Variants in SF3B3 observed in about 807,000 individuals in gnomAD.
SF3B3 encodes the protein splicing factor 3b subunit 3, also known as SAP 130.
Under a neutral mutation model 139.2 loss-of-function variants are expected in SF3B3, and 33 were observed. That is an observed-to-expected ratio of 0.24 (90% CI 0.18 to 0.32). The LOEUF is 0.32. SF3B3 is among the 10% of genes least tolerant of loss of function. SF3B3 has a pLI of 1.00. For synonymous variants in SF3B3, 596 were observed against 563.6 expected (o/e 1.06, Z -0.81); for missense variants, 818 against 1,509.4 (o/e 0.54, Z 7.59).
rs185464188 is a variant in SF3B3 at position 70,567,417 on chromosome 16, G to C, written c.2833G>C (p.Val945Leu). Reference protein sequence around the residue: ...EKLEFLHKTPVEEVPAAIAPF... With the variant: ...EKLEFLHKTPLEEVPAAIAPF... ...ACCTGCTTTTCCTCTATAGACTCCT[G>C]TGGAAGAGGTCCCTGCTGCTATTGC... Residue 945 changes from valine (V) to leucine (L), a missense_variant, in exon 21 of 26, where the codon GTG becomes CTG. This residue lies in a region of SF3B3 where 145 missense variants were observed against 153.6 expected (regional missense o/e 0.94). Coordinates refer to ENST00000302516, the MANE Select transcript of SF3B3 (RefSeq NM_012426.5). 1.9e-6 allele frequency: 3 copies of C among 1,613,482 alleles called. No individual in the cohort carries two copies. Among genetic ancestry groups the C allele is most frequent in the Non-Finnish European group, 2.5e-6 (3 of 1,179,836 alleles).
chr16:70,555,389 G>C (rs534481201), intron 13 of SF3B3, among the ~76,000 whole-genome samples, 183 bp downstream of exon 13: 16 of 147,404 alleles, frequency 1.1e-4, no homozygotes, highest in South Asian at 8.8e-4. Flanking sequence ...TGAGGCAGGA[G>C]AATTGCTTGA....
chr16:70,560,420 A>T, intron 15 of SF3B3, 49 bp from the exon 16 acceptor site: 1 of 1,599,350 alleles, frequency 6.3e-7, no homozygotes, highest in Non-Finnish European at 8.5e-7. Flanking sequence ...TTCCCATCAT[A>T]GCTGATAAGC....
At chr16:70,551,208 T>A (rs983291526) in intron 11 of SF3B3, among the ~76,000 whole-genome samples, 1 of 152,068 alleles carries the variant, frequency 6.6e-6, no homozygotes, top group Admixed American at 6.6e-5. Context: ...TCCTCTGGGG[T>A]CCTTAGCAGT....
At chr16:70,571,066 A>C in intron 24 of SF3B3, 29 bp from the exon 25 acceptor site, 1 of 1,515,940 alleles carries the variant, frequency 6.6e-7, no homozygotes. Flanking sequence ...ATCACTTCTC[A>C]GTGACAGATT....
chr16:70,558,798 T>C (rs1243160741), intron 15 of SF3B3, among the ~76,000 whole-genome samples: 2 of 152,214 alleles, frequency 1.3e-5, no homozygotes, highest in African/African-American at 2.4e-5. Context: ...GGTTTTGCCA[T>C]GTTGCTCAGG....
intron 18 of SF3B3, 145 bp from the exon 19 acceptor site, chr16:70,564,920 C>T (rs2050461301): frequency 2.9e-6 from 2 of 696,180 alleles, no homozygotes; most frequent in East Asian, 2.6e-5. Flanking sequence ...CTTTAATAGT[C>T]ATGTCGGGAA....
intron 10 of SF3B3, 70 bp downstream of exon 10, chr16:70,544,603 A>G: frequency 1.2e-6 from 1 of 859,338 alleles, no homozygotes; most frequent in Admixed American, 1.9e-5. Flanking sequence ...TTATGGGTTT[A>G]CTCTGATGTT....
chr16:70,541,202 G>A lies in SF3B3; in HGVS notation c.1068-467G>A, dbSNP rs187877192. The stretch of plus-strand genomic sequence containing the variant: ...TTGCCTTTCCCCGGTGATGAGTGAT[G>A]TTGAGCATCTTTTTGTGTTTATTGG... On this transcript the variant is annotated intron_variant, in intron 8 of 25. Transcript: ENST00000302516. Among the ~76,000 whole-genome samples the A allele has an allele frequency of 2.0e-5, 3 of 152,316 alleles. No homozygotes were observed. The East Asian group carries it at 5.8e-4, about 29-fold the overall frequency.
chr16:70,557,686 A>G (rs2050391308), intron 15 of SF3B3, among the ~76,000 whole-genome samples: 1 of 151,498 alleles, frequency 6.6e-6, no homozygotes, highest in Non-Finnish European at 1.5e-5. Context: ...CTTTTGTTGG[A>G]TTTTTATGGG....
chr16:70,532,659 G>C (rs747625909), intron 5 of SF3B3, 39 bp downstream of exon 5: 5 of 1,604,592 alleles, frequency 3.1e-6, no homozygotes, highest in Non-Finnish European at 4.3e-6. Context: ...CCTTTTACTT[G>C]GTTCATTTTA....
At chr16:70,554,689 C>A in intron 12 of SF3B3, 92 bp downstream of exon 12, 1 of 1,313,052 alleles carries the variant, frequency 7.6e-7, no homozygotes. Flanking sequence ...TCTCTTCACC[C>A]TCACCTTCCA....
chr16:70,554,875 T>G (rs2050364913), intron 12 of SF3B3, among the ~76,000 whole-genome samples, 176 bp from the exon 13 acceptor site: 1 of 152,226 alleles, frequency 6.6e-6, no homozygotes, highest in South Asian at 2.1e-4. Flanking sequence ...AAACATGAAC[T>G]ATTTAAAAGT....
chr16:70,530,248 C>G (rs183880099), intron 3 of SF3B3, among the ~76,000 whole-genome samples: 1 of 151,634 alleles, frequency 6.6e-6, no homozygotes, highest in African/African-American at 2.4e-5. Context: ...TTCCTTCTGT[C>G]TTGGCCTCCC....
At chr16:70,565,021 AC>A in intron 18 of SF3B3, 43 bp from the exon 19 acceptor site, 1 of 1,590,276 alleles carries the variant, frequency 6.3e-7, no homozygotes, top group Non-Finnish European at 8.6e-7. Context: ...GCCAGCCCCT[AC>A]CTCTGAGCAC....
At position 70,571,897 on chromosome 16, in the gene SF3B3, T is replaced by C; in HGVS notation, c.*84T>C. 6.7e-7 allele frequency: 1 copy of C among 1,490,512 alleles called. No homozygotes were observed. The highest frequency in any genetic ancestry group is 9.1e-7 in the Non-Finnish European group (1 of 1,099,822). 92.3% of individuals were successfully genotyped at this position (1,490,512 alleles called of 1,614,324 possible). A position where few individuals can be genotyped will look rare whatever the true frequency, so the allele number is the denominator to read the frequency against. ...TCACTGCCACCTGGCTTCTGCCATG[T>C]GGCAGGAGGGTGACTGGATAATTAA... On this transcript the variant is annotated 3_prime_UTR_variant, in exon 26 of 26. Coordinates refer to ENST00000302516, the MANE Select transcript of SF3B3 (RefSeq NM_012426.5).
At chr16:70,536,776 A>G (rs2050172368) in intron 6 of SF3B3, among the ~76,000 whole-genome samples, 1 of 149,578 alleles carries the variant, frequency 6.7e-6, no homozygotes, top group Admixed American at 6.7e-5. Flanking sequence ...ACAGGCATGA[A>G]GTGCCCTGCC....
intron 25 of SF3B3, 137 bp from the exon 26 acceptor site, chr16:70,571,536 A>T: frequency 1.1e-6 from 1 of 913,896 alleles, no homozygotes; most frequent in Non-Finnish European, 1.6e-6. Flanking sequence ...CTGCACTGCA[A>T]CCCGGATGAT....
chr16:70,554,400 T>A (rs755540741), intron 11 of SF3B3, 46 bp from the exon 12 acceptor site: 1 of 1,586,756 alleles, frequency 6.3e-7, no homozygotes, highest in East Asian at 2.2e-5. Flanking sequence ...GGCTTTGTAA[T>A]TCTAATGAGT....
At chr16:70,533,483 G>A (rs982555651) in intron 5 of SF3B3, among the ~76,000 whole-genome samples, 1 of 152,204 alleles carries the variant, frequency 6.6e-6, no homozygotes, top group Non-Finnish European at 1.5e-5. Context: ...TCATACGGTT[G>A]TAGATAGGAA....
Sources: gnomAD v4.1 joint callset for allele counts (sites outside exome capture counted in the v4.1 genomes callset) on GRCh38, gnomAD v4.1.1 for gene constraint, gnomAD v4.1.1 regional missense constraint, MANE v1.5 for transcripts, NCBI Gene and HGNC (gene_info 2026-07-23, HGNC 2026-07-21) for gene names.